Variants in ARB2A observed in about 807,000 individuals in gnomAD.
The protein encoded by ARB2A is cotranscriptional regulator ARB2A.
At chr5:93,894,260 A>G in the ARB2A span, among the ~76,000 whole-genome samples, 1 of 152,162 alleles carries the variant, frequency 6.6e-6, no homozygotes, top group Non-Finnish European at 1.5e-5. Flanking sequence ...CTCTATAATT[A>G]CATTTATAAT....
At chr5:93,903,781 T>C in the ARB2A span, among the ~76,000 whole-genome samples, 4 of 151,490 alleles carry the variant, frequency 2.6e-5, no homozygotes, top group East Asian at 1.9e-4. Context: ...CCTAGCCACA[T>C]AGCAGATAGT....
chr5:93,776,340 A>T, the ARB2A span: 1 of 840,990 alleles, frequency 1.2e-6, no homozygotes, highest in Non-Finnish European at 1.8e-6. Context: ...CAACCACTAG[A>T]GTGTATTCAA....
At chr5:93,833,074 G>C in the ARB2A span, among the ~76,000 whole-genome samples, 1 of 152,172 alleles carries the variant, frequency 6.6e-6, no homozygotes, top group Non-Finnish European at 1.5e-5. Context: ...TCTACCATCA[G>C]CCATGGTAGC....
At chr5:94,015,250 C>G in the ARB2A span, among the ~76,000 whole-genome samples, 3 of 152,050 alleles carry the variant, frequency 2.0e-5, no homozygotes, top group African/African-American at 7.2e-5. Context: ...CATTTTCAAA[C>G]TGATGAAAGA....
chr5:93,811,537 T>C, the ARB2A span, among the ~76,000 whole-genome samples: 1 of 151,964 alleles, frequency 6.6e-6, no homozygotes, highest in African/African-American at 2.4e-5. Context: ...AACCGGGACG[T>C]TGTCTGAGGG....
chr5:93,961,316 T>A, the ARB2A span, among the ~76,000 whole-genome samples: 1 of 152,132 alleles, frequency 6.6e-6, no homozygotes, highest in Non-Finnish European at 1.5e-5. Flanking sequence ...TTTGACTAAG[T>A]CCCCTGTTAC....
At chr5:93,886,155 T>C in the ARB2A span, among the ~76,000 whole-genome samples, 1 of 151,702 alleles carries the variant, frequency 6.6e-6, no homozygotes, top group African/African-American at 2.4e-5. Flanking sequence ...ACCTACTCAT[T>C]ACCAATTATA....
the ARB2A span, among the ~76,000 whole-genome samples, chr5:93,893,476 T>C: frequency 5.9e-5 from 9 of 152,260 alleles, no homozygotes; most frequent in South Asian, 6.2e-4. Flanking sequence ...TCAACGGGTG[T>C]CCAGTAATGG....
At chr5:93,926,065 C>A in the ARB2A span, among the ~76,000 whole-genome samples, 1 of 152,048 alleles carries the variant, frequency 6.6e-6, no homozygotes, top group Non-Finnish European at 1.5e-5. Context: ...CTAGGCTAGG[C>A]CTGTGTACTC....
the ARB2A span, among the ~76,000 whole-genome samples, chr5:93,707,984 A>C: frequency 1.3e-5 from 2 of 152,350 alleles, no homozygotes; most frequent in East Asian, 3.9e-4. Context: ...AAAAATGTTT[A>C]AACGTGTAAG....
chr5:93,747,325 C>T, the ARB2A span, among the ~76,000 whole-genome samples: 20 of 152,124 alleles, frequency 1.3e-4, no homozygotes, highest in South Asian at 3.7e-3. Context: ...AAGTTTGAGG[C>T]CTCTGAGAAT....
the ARB2A span, among the ~76,000 whole-genome samples, chr5:93,982,169 GA>G: frequency 2.0e-5 from 3 of 151,906 alleles, no homozygotes; most frequent in African/African-American, 4.8e-5. Flanking sequence ...GAGGAAGGCA[GA>G]AAAAAAATCA....
the ARB2A span, among the ~76,000 whole-genome samples, chr5:94,031,454 C>T: frequency 2.0e-5 from 3 of 152,120 alleles, no homozygotes; most frequent in Non-Finnish European, 4.4e-5. Context: ...ACTTAGGGCA[C>T]TGGAATAGCA....
chr5:93,716,911 C>A, the ARB2A span, among the ~76,000 whole-genome samples: 1 of 151,892 alleles, frequency 6.6e-6, no homozygotes, highest in Non-Finnish European at 1.5e-5. Flanking sequence ...TCCATAATAA[C>A]AATTTATTTA....
At chr5:93,881,543 T>C in the ARB2A span, 2 of 1,611,238 alleles carry the variant, frequency 1.2e-6, no homozygotes, top group Non-Finnish European at 1.7e-6. Context: ...ACGTCGCTTC[T>C]TTGTTTCTTT....
chr5:94,103,435 T>A, the ARB2A span, among the ~76,000 whole-genome samples: 4 of 152,106 alleles, frequency 2.6e-5, no homozygotes, highest in African/African-American at 9.7e-5. Flanking sequence ...CATTAAATAA[T>A]GATAAAGGGT....
At chr5:93,953,439 G>A in the ARB2A span, among the ~76,000 whole-genome samples, 2 of 152,060 alleles carry the variant, frequency 1.3e-5, no homozygotes, top group African/African-American at 4.8e-5. Flanking sequence ...TGTTGGTTTT[G>A]GATAAGATCT....
At chr5:93,628,216 A>G in the ARB2A span, among the ~76,000 whole-genome samples, 1 of 151,646 alleles carries the variant, frequency 6.6e-6, no homozygotes, top group Non-Finnish European at 1.5e-5. Context: ...ACGCCCGGCT[A>G]ATTTTTGTAT....
chr5:94,070,117 GAT>G, the ARB2A span, among the ~76,000 whole-genome samples: 142,171 of 152,042 alleles, frequency 0.94, 66,571 homozygotes, highest in East Asian at 1. Context: ...TAAGAAATGT[GAT>G]ATATATATAC....
Sources: allele counts gnomAD v4.1 joint callset (sites outside exome capture counted in the v4.1 genomes callset), GRCh38; gene constraint gnomAD v4.1.1; transcripts MANE v1.5; gene names NCBI Gene and HGNC (gene_info 2026-07-23, HGNC 2026-07-21).